Variants in SPTBN1 observed in about 807,000 individuals in gnomAD.
SPTBN1 encodes spectrin beta, non-erythrocytic 1, also known as spectrin beta chain, non-erythrocytic 1.
SPTBN1 carries 32 observed loss-of-function variants against 266.4 expected under a neutral mutation model. The observed-to-expected ratio is 0.12, with a 90% CI of 0.09 to 0.16. The LOEUF (loss-of-function observed/expected upper bound fraction) is 0.16. SPTBN1 is among the 10% of genes least tolerant of loss of function. SPTBN1 has a pLI of 1.00. For synonymous variants in SPTBN1, 1,336 were observed against 1,162.2 expected (o/e 1.15, Z -3.04); for missense variants, 2,296 against 3,067.1 (o/e 0.75, Z 5.94).
intron 1 of SPTBN1, among the ~76,000 whole-genome samples, chr2:54,458,552 A>T (rs538785422): frequency 6.6e-6 from 1 of 152,110 alleles, no homozygotes; most frequent in Non-Finnish European, 1.5e-5. Flanking sequence ...TATTTTTTGT[A>T]TACATATTTT....
intron 7 of SPTBN1, among the ~76,000 whole-genome samples, chr2:54,620,083 GTTGT>G (rs1245791786): frequency 6.6e-6 from 1 of 152,220 alleles, no homozygotes; most frequent in African/African-American, 2.4e-5. Flanking sequence ...GCCATTTTAA[GTTGT>G]TTGTTCCTTC....
At chr2:54,602,515 T>C (rs1459004422) in intron 3 of SPTBN1, among the ~76,000 whole-genome samples, 1 of 152,228 alleles carries the variant, frequency 6.6e-6, no homozygotes, top group Non-Finnish European at 1.5e-5. Flanking sequence ...ATTCTCACTA[T>C]GGTGGCCAGT....
chr2:54,544,604 G>A (rs904476093), intron 2 of SPTBN1, among the ~76,000 whole-genome samples: 6 of 151,948 alleles, frequency 3.9e-5, no homozygotes, highest in African/African-American at 1.5e-4. Context: ...AAAACAGGAG[G>A]CCTAAGAGAC....
chr2:54,659,831 T>G, intron 31 of SPTBN1, 105 bp from the exon 32 acceptor site: 1 of 1,476,588 alleles, frequency 6.8e-7, no homozygotes, highest in South Asian at 1.4e-5. Context: ...GTGAAAAGGT[T>G]GCACGTAATA....
At position 54,646,612 on chromosome 2, in the gene SPTBN1, A is replaced by G; in HGVS notation, c.4866+137A>G. 9.8e-7 allele frequency: 1 copy of G among 1,016,740 alleles called. No homozygotes were observed. 63.0% of individuals were successfully genotyped at this position (1,016,740 alleles called of 1,614,324 possible). On this transcript the variant is annotated intron_variant, in intron 23 of 35. Transcript: ENST00000356805. The surrounding 1 kb of genome is among the most constrained non-coding windows in gnomAD (Gnocchi z 4.4). ...GTGTTAAGGGGACACCATGTGCATGAAGGTGTCTGAAATCCAGCTGCTGGT... is the reference window on the plus strand; with the variant it reads ...GTGTTAAGGGGACACCATGTGCATGGAGGTGTCTGAAATCCAGCTGCTGGT...
Position 54,629,528 on chromosome 2 carries a change from C to T in SPTBN1, c.2394C>T (p.Pro798=). The stretch of plus-strand genomic sequence containing the variant: ...CGGAAGAGATCGCCAATTACAGGCC[C>T]ACCCTTGACACGCTGCACGAACAAG... The part of the protein sequence containing the change: ...DVAEEIANYR[P]TLDTLHEQAS... The change falls in exon 14 of 36, where the codon CCC becomes CCT. Residue 798 remains proline, a synonymous_variant. Coordinates refer to ENST00000356805, the MANE Select transcript of SPTBN1 (RefSeq NM_003128.3). 6.2e-7 allele frequency: 1 copy of T among 1,614,112 alleles called. No individual in the cohort carries two copies. The highest frequency in any genetic ancestry group is 1.6e-4 in the Middle Eastern group (1 of 6,062).
Position 54,671,082 on chromosome 2 carries a change from C to T in SPTBN1, c.*2513C>T, listed in dbSNP as rs1681668136. On this transcript the variant is annotated 3_prime_UTR_variant, in exon 36 of 36. Coordinates refer to ENST00000356805, the MANE Select transcript of SPTBN1 (RefSeq NM_003128.3). Reference sequence around the variant, plus strand: ...ATATGGGTGACAATACTGGCCCCTCCATAAATCTGAAGAGTAAGAAGTAGT... The same window carrying T: ...ATATGGGTGACAATACTGGCCCCTCTATAAATCTGAAGAGTAAGAAGTAGT... The T allele has an allele frequency of 9.1e-6, 3 of 330,498 alleles. No individual in the cohort carries two copies. Among genetic ancestry groups the T allele is most frequent in the Admixed American group, 4.8e-5 (1 of 20,658 alleles). 20.5% of individuals were successfully genotyped at this position (330,498 alleles called of 1,614,324 possible). A position where few individuals can be genotyped will look rare whatever the true frequency, so the allele number is the denominator to read the frequency against.
chr2:54,576,848 G>A (rs1029918930), intron 2 of SPTBN1, among the ~76,000 whole-genome samples: 4 of 152,232 alleles, frequency 2.6e-5, no homozygotes, highest in Non-Finnish European at 4.4e-5. Flanking sequence ...CTAGGTAAGT[G>A]ATCCCAAACA....
chr2:54,458,098 A>G (rs1273673492), intron 1 of SPTBN1, among the ~76,000 whole-genome samples: 2 of 152,128 alleles, frequency 1.3e-5, no homozygotes, highest in African/African-American at 4.8e-5. Context: ...AATTTTTTCT[A>G]CGTGAAAAGT....
At chr2:54,667,777 AC>A (rs1681461875) in intron 35 of SPTBN1, 131 bp downstream of exon 35, 1 of 783,046 alleles carries the variant, frequency 1.3e-6, no homozygotes, top group African/African-American at 1.7e-5. Flanking sequence ...GGCTCCAGTC[AC>A]CAGCACTAGA....
intron 2 of SPTBN1, among the ~76,000 whole-genome samples, chr2:54,576,033 T>A (rs926479025): frequency 4.0e-5 from 6 of 149,640 alleles, no homozygotes; most frequent in Admixed American, 1.3e-4. Flanking sequence ...TGTGTTTTTT[T>A]CCTTTTGTCA....
chr2:54,649,905 G>A lies in SPTBN1; in HGVS notation c.5493G>A (p.Glu1831=), dbSNP rs1165741462. 6 of 1,614,230 alleles carry A rather than the reference G, an allele frequency of 3.7e-6. No homozygotes were observed. The highest frequency in any genetic ancestry group is 3.4e-6 in the Non-Finnish European group (4 of 1,180,042). ...IQDKHKKLPE[E]LGRDQNTVET... ...ACAAACACAAGAAACTCCCTGAGGA[G>A]CTTGGGAGAGATCAGAACACAGTGG... The change falls in exon 26 of 36, where the codon GAG becomes GAA. Residue 1831 remains glutamate (E), a synonymous_variant. Coordinates refer to ENST00000356805, the MANE Select transcript of SPTBN1 (RefSeq NM_003128.3). This position sits in a 1 kb window ranked among gnomAD's most constrained non-coding sequence, Gnocchi z 6.7.
At chr2:54,513,399 G>A (rs1190307092) in intron 1 of SPTBN1, among the ~76,000 whole-genome samples, 1 of 152,054 alleles carries the variant, frequency 6.6e-6, no homozygotes, top group Non-Finnish European at 1.5e-5. Context: ...TTTGGCATTG[G>A]GTTGCTCTAG....
At chr2:54,602,513 T>C (rs1404361605) in intron 3 of SPTBN1, among the ~76,000 whole-genome samples, 1 of 152,212 alleles carries the variant, frequency 6.6e-6, no homozygotes, top group Non-Finnish European at 1.5e-5. Context: ...TGATTCTCAC[T>C]ATGGTGGCCA....
intron 1 of SPTBN1, among the ~76,000 whole-genome samples, chr2:54,515,208 A>C (rs1424722575): frequency 6.6e-6 from 1 of 151,884 alleles, no homozygotes; most frequent in African/African-American, 2.4e-5. Flanking sequence ...ATTCATCTCC[A>C]CCCCTACCAA....
intron 2 of SPTBN1, among the ~76,000 whole-genome samples, chr2:54,584,112 C>T (rs535520682): frequency 4.6e-5 from 7 of 152,110 alleles, no homozygotes; most frequent in African/African-American, 7.2e-5. Context: ...CATATACATT[C>T]GTAGGATCAT....
intron 2 of SPTBN1, among the ~76,000 whole-genome samples, chr2:54,576,546 C>T (rs563345353): frequency 2.0e-5 from 3 of 152,212 alleles, no homozygotes; most frequent in South Asian, 4.1e-4. Flanking sequence ...CCTGGAAGGC[C>T]GTTGCTTATA....
rs886968241 is a variant in SPTBN1 at position 54,646,557 on chromosome 2, C to G, written c.4866+82C>G. 2 of 1,412,770 alleles carry G rather than the reference C, an allele frequency of 1.4e-6. No individual in the cohort carries two copies. Among genetic ancestry groups the G allele is most frequent in the African/African-American group, 2.9e-5 (2 of 69,150 alleles). The allele number at this position is 1,412,770 out of a possible 1,614,324, so 87.5% of individuals were successfully genotyped here. ...GCACACTTTCTGCTGGCGGCTCTGT[C>G]TGTATAAAAACTTCCCTTGTAGCCT... is the stretch of plus-strand genomic sequence containing the variant. On this transcript the variant is annotated intron_variant, in intron 23 of 35. Transcript: ENST00000356805. The surrounding 1 kb of genome is among the most constrained non-coding windows in gnomAD (Gnocchi z 4.4).
intron 1 of SPTBN1, among the ~76,000 whole-genome samples, chr2:54,506,970 C>T (rs920795546): frequency 8.5e-5 from 12 of 141,172 alleles, no homozygotes; most frequent in Non-Finnish European, 1.5e-4. Flanking sequence ...AAGGAGTCAG[C>T]AAAGGGTGGT....
Sources: allele counts gnomAD v4.1 joint callset (sites outside exome capture counted in the v4.1 genomes callset), GRCh38; gene constraint gnomAD v4.1.1; non-coding constraint Gnocchi (gnomAD v3.1); transcripts MANE v1.5; gene names NCBI Gene and HGNC (gene_info 2026-07-23, HGNC 2026-07-21).